The following TMEM131L variants were observed in gnomAD, a reference collection of about 807,000 sequenced individuals.
TMEM131L encodes transmembrane 131 like, also known as transmembrane protein 131-like.
A neutral mutation model predicts 192.2 loss-of-function variants in TMEM131L; 54 were observed. The ratio of observed to expected loss-of-function variants is 0.28; its 90% confidence interval spans 0.23 to 0.35. The LOEUF is 0.35. Ranked by LOEUF, TMEM131L falls within the 10% of genes least tolerant of loss-of-function variation. The probability of loss-of-function intolerance (pLI) is 1.00; values close to 1 mark genes in which losing one functional copy is unlikely to be tolerated. For synonymous variants in TMEM131L, 701 were observed against 704.9 expected (o/e 0.99, Z 0.09); for missense variants, 1,888 against 1,972.9 (o/e 0.96, Z 0.82).
At chr4:153,498,934 A>G (rs1302606335) in intron 3 of TMEM131L, among the ~76,000 whole-genome samples, 1 of 152,246 alleles carries the variant, frequency 6.6e-6, no homozygotes, top group Non-Finnish European at 1.5e-5. Flanking sequence ...ACAACACTGC[A>G]CAATGTAGCC....
chr4:153,511,586 T>C (rs1734361859), intron 3 of TMEM131L, among the ~76,000 whole-genome samples: 1 of 152,176 alleles, frequency 6.6e-6, no homozygotes. Context: ...CGAGTCTCCC[T>C]ATATAACAAA....
At chr4:153,547,501 T>C (rs1737271150) in intron 3 of TMEM131L, among the ~76,000 whole-genome samples, 1 of 152,272 alleles carries the variant, frequency 6.6e-6, no homozygotes, top group African/African-American at 2.4e-5. Context: ...TGAGCGAATA[T>C]TTATTGACCT....
chr4:153,571,421 T>C (rs10517573), intron 7 of TMEM131L, among the ~76,000 whole-genome samples: 18,602 of 152,256 alleles, frequency 0.12, 3,422 homozygotes, highest in African/African-American at 0.4. Context: ...CTGGTTTCCT[T>C]TCACCTGTCC....
At chr4:153,467,019 C>T (rs1230714801) in intron 1 of TMEM131L, among the ~76,000 whole-genome samples, 192 bp from the exon 2 acceptor site, 1 of 152,186 alleles carries the variant, frequency 6.6e-6, no homozygotes, top group South Asian at 2.1e-4. Flanking sequence ...CCTTCGCGTC[C>T]GAGGGGCCGC....
chr4:153,501,811 T>A (rs1733627018), intron 3 of TMEM131L, among the ~76,000 whole-genome samples: 3 of 152,108 alleles, frequency 2.0e-5, no homozygotes, highest in Non-Finnish European at 4.4e-5. Flanking sequence ...ATGCCTCCTC[T>A]GTCTCCTAAT....
At position 153,589,621 on chromosome 4, in the gene TMEM131L, T is replaced by C. The variant is rs1476201128; in HGVS notation, c.1670+614T>C. Among the ~76,000 whole-genome samples the C allele has an allele frequency of 1.3e-5, 2 of 152,362 alleles. 1 individual carries two copies. Reference sequence around the variant, plus strand: ...CAGACCCCAGTTGACCACAGGTAACTGAAACTTTGGAAAGCAAAACTGCAT... The same window carrying C: ...CAGACCCCAGTTGACCACAGGTAACCGAAACTTTGGAAAGCAAAACTGCAT... On this transcript the variant is annotated intron_variant, in intron 16 of 34. Coordinates refer to ENST00000409959, the MANE Select transcript of TMEM131L (RefSeq NM_001131007.2).
At chr4:153,490,585 A>G (rs892920413) in intron 3 of TMEM131L, among the ~76,000 whole-genome samples, 5 of 152,144 alleles carry the variant, frequency 3.3e-5, no homozygotes, top group African/African-American at 1.2e-4. Context: ...ATTTGGGTAA[A>G]CATAAAGTTA....
At chr4:153,552,559 G>A (rs1373996802) in intron 4 of TMEM131L, among the ~76,000 whole-genome samples, 1 of 152,170 alleles carries the variant, frequency 6.6e-6, no homozygotes, top group Non-Finnish European at 1.5e-5. Flanking sequence ...GGCCGGGCAC[G>A]GTGGTTTATG....
intron 3 of TMEM131L, among the ~76,000 whole-genome samples, chr4:153,502,907 A>G (rs977358710): frequency 6.6e-6 from 1 of 151,990 alleles, no homozygotes; most frequent in Admixed American, 6.6e-5. Flanking sequence ...GGGGTCAATG[A>G]CCCTTTTCCT....
At chr4:153,534,205 C>T (rs1580156271) in intron 3 of TMEM131L, among the ~76,000 whole-genome samples, 1 of 152,180 alleles carries the variant, frequency 6.6e-6, no homozygotes, top group East Asian at 1.9e-4. Flanking sequence ...ACCAAATAGA[C>T]CAAAATCTAG....
intron 3 of TMEM131L, among the ~76,000 whole-genome samples, chr4:153,491,960 A>G (rs1732818070): frequency 6.6e-6 from 1 of 151,862 alleles, no homozygotes; most frequent in African/African-American, 2.4e-5. Context: ...CCCACTCCCC[A>G]AAGTGTTGGG....
intron 3 of TMEM131L, among the ~76,000 whole-genome samples, chr4:153,475,284 G>A (rs1489275416): frequency 6.6e-6 from 1 of 152,156 alleles, no homozygotes; most frequent in East Asian, 1.9e-4. Context: ...ACAACTGATA[G>A]ATCATTCAAG....
At chr4:153,488,162 T>A (rs896330267) in intron 3 of TMEM131L, among the ~76,000 whole-genome samples, 2 of 140,222 alleles carry the variant, frequency 1.4e-5, no homozygotes, top group Admixed American at 7.1e-5. Context: ...GAGTTTTGTG[T>A]GAGAGAGAGA....
chr4:153,526,118 A>G (rs948849667), intron 3 of TMEM131L, among the ~76,000 whole-genome samples: 1 of 151,990 alleles, frequency 6.6e-6, no homozygotes. Context: ...CGGTCTCCCA[A>G]AGTACTGGGA....
chr4:153,530,899 C>T (rs1446300944), intron 3 of TMEM131L, among the ~76,000 whole-genome samples: 1 of 152,174 alleles, frequency 6.6e-6, no homozygotes, highest in Non-Finnish European at 1.5e-5. Context: ...TTCCTGGAGG[C>T]CCGGCATAGA....
chr4:153,489,232 A>G (rs1250206247), intron 3 of TMEM131L, among the ~76,000 whole-genome samples: 1 of 151,768 alleles, frequency 6.6e-6, no homozygotes, highest in African/African-American at 2.4e-5. Flanking sequence ...CCTTTTTGGT[A>G]TTGGGCTGGT....
chr4:153,497,919 A>G (rs1733307853), intron 3 of TMEM131L, among the ~76,000 whole-genome samples: 1 of 148,188 alleles, frequency 6.7e-6, no homozygotes, highest in African/African-American at 2.5e-5. Context: ...AGAGACTTGT[A>G]CGGTGAACAC....
At position 153,623,453 on chromosome 4, in the gene TMEM131L, A is replaced by C. The variant is rs150905270; in HGVS notation, c.4045+370A>C. Among the ~76,000 whole-genome samples, 506 of 152,302 alleles carry C rather than the reference A, an allele frequency of 3.3e-3. 1 individual carries two copies. The highest frequency in any genetic ancestry group is 0.011 in the African/African-American group (475 of 41,570). ...GCAGCCATCACAACTGTCCATCTCC[A>C]GTATTTTTTATCTTGCAAAACTGAA... On this transcript the variant is annotated intron_variant, in intron 29 of 34. Coordinates refer to ENST00000409959, the MANE Select transcript of TMEM131L (RefSeq NM_001131007.2).
At chr4:153,484,580 T>A (rs1231849656) in intron 3 of TMEM131L, among the ~76,000 whole-genome samples, 1 of 151,072 alleles carries the variant, frequency 6.6e-6, no homozygotes, top group Non-Finnish European at 1.5e-5. Context: ...GCCATTCTCC[T>A]GCCTCAGCCT....
Sources: gnomAD v4.1 joint callset for allele counts (sites outside exome capture counted in the v4.1 genomes callset) on GRCh38, gnomAD v4.1.1 for gene constraint, MANE v1.5 for transcripts, NCBI Gene and HGNC (gene_info 2026-07-23, HGNC 2026-07-21) for gene names.